Variants in CDH18 observed in about 807,000 individuals in gnomAD.
The protein encoded by CDH18 is cadherin-18.
A neutral mutation model predicts 67.9 loss-of-function variants in CDH18; 31 were observed. The ratio of observed to expected loss-of-function variants is 0.46; its 90% CI spans 0.34 to 0.62. The LOEUF (loss-of-function observed/expected upper bound fraction) is 0.62. CDH18 is among the 20% of genes least tolerant of loss of function. The probability of loss-of-function intolerance (pLI) is 0.01; values close to 1 mark genes in which losing one functional copy is unlikely to be tolerated. For synonymous variants in CDH18, 362 were observed against 347.2 expected, an observed-to-expected ratio of 1.04 and a Z score of -0.48; for missense variants, 890 against 975.5, an observed-to-expected ratio of 0.91 and a Z score of 1.17.
chr5:20,194,057 T>A (rs1738761471), intron 2 of CDH18, among the ~76,000 whole-genome samples: 1 of 152,108 alleles, frequency 6.6e-6, no homozygotes, highest in Admixed American at 6.6e-5. Flanking sequence ...AAGGATGACC[T>A]CTCTCACCAC....
chr5:19,960,391 T>G (rs901289934), intron 2 of CDH18, among the ~76,000 whole-genome samples: 14 of 151,562 alleles, frequency 9.2e-5, no homozygotes, highest in African/African-American at 3.2e-4. Flanking sequence ...CTATGCTAGC[T>G]CATGATCATC....
chr5:19,594,962 A>G (rs139832950), intron 6 of CDH18, among the ~76,000 whole-genome samples: 167 of 152,294 alleles, frequency 1.1e-3, no homozygotes, highest in East Asian at 7.9e-3. Context: ...TAAAAAAAAT[A>G]AAAGGGAACT....
At position 19,697,857 on chromosome 5, in the gene CDH18, C is replaced by T. The variant is rs902115857; in HGVS notation, c.643+23490G>A. Among the ~76,000 whole-genome samples the T allele has an allele frequency of 5.3e-5, 8 of 152,176 alleles. No individual in the cohort carries two copies. The East Asian group carries it at 9.7e-4, about 18-fold the overall frequency. The stretch of plus-strand genomic sequence containing the variant: ...TTGATTCCTCTAAGTGTTCATAGTG[C>T]CTGCCCAGGGATCCACCTCTATCCT... On this transcript the variant is annotated intron_variant, in intron 5 of 12. Coordinates refer to ENST00000382275, the MANE Select transcript of CDH18 (RefSeq NM_004934.5).
intron 2 of CDH18, among the ~76,000 whole-genome samples, chr5:19,907,476 G>A (rs535619593): frequency 2.0e-4 from 31 of 152,026 alleles, no homozygotes; most frequent in African/African-American, 6.0e-4. Context: ...ATAATTTTGA[G>A]CATGAAACAA....
chr5:19,783,143 T>C (rs115957925), intron 3 of CDH18, among the ~76,000 whole-genome samples: 346 of 152,312 alleles, frequency 2.3e-3, no homozygotes, highest in Middle Eastern at 3.4e-3. Context: ...TAAAGCCTTT[T>C]TGCTGGTCCA....
chr5:19,967,042 A>T (rs186801841), intron 2 of CDH18, among the ~76,000 whole-genome samples: 1 of 152,106 alleles, frequency 6.6e-6, no homozygotes, highest in Non-Finnish European at 1.5e-5. Flanking sequence ...AAAAAAGAAA[A>T]TAATAATGTC....
intron 1 of CDH18, among the ~76,000 whole-genome samples, chr5:20,288,697 T>G (rs1290173427): frequency 6.6e-6 from 1 of 151,826 alleles, no homozygotes; most frequent in African/African-American, 2.4e-5. Flanking sequence ...TTTCTTGTGA[T>G]AGTCAATTCG....
intron 2 of CDH18, among the ~76,000 whole-genome samples, chr5:20,173,160 GC>G (rs1736973730): frequency 6.6e-6 from 1 of 152,172 alleles, no homozygotes; most frequent in Admixed American, 6.6e-5. Flanking sequence ...AACCCCCATG[GC>G]TGCTGCCCTC....
intron 1 of CDH18, among the ~76,000 whole-genome samples, chr5:20,526,151 T>G (rs1756043003): frequency 6.6e-6 from 1 of 152,130 alleles, no homozygotes; most frequent in Non-Finnish European, 1.5e-5. Flanking sequence ...TGGCAGATCG[T>G]GGCCAGACTC....
intron 1 of CDH18, among the ~76,000 whole-genome samples, chr5:20,352,996 C>G (rs1447703798): frequency 1.3e-5 from 2 of 152,070 alleles, no homozygotes; most frequent in East Asian, 1.9e-4. Flanking sequence ...CTTATGGAAG[C>G]CTTTATGGCT....
At chr5:20,252,179 C>A (rs1314435389) in intron 2 of CDH18, among the ~76,000 whole-genome samples, 6 of 151,848 alleles carry the variant, frequency 4.0e-5, no homozygotes, top group African/African-American at 1.5e-4. Context: ...TGTAAAACCC[C>A]CTTTCTACTA....
chr5:20,445,665 G>A (rs981228528), intron 1 of CDH18, among the ~76,000 whole-genome samples: 26 of 152,152 alleles, frequency 1.7e-4, no homozygotes, highest in African/African-American at 6.3e-4. Context: ...CAAGAGTGGA[G>A]GATTCTCAAT....
intron 2 of CDH18, among the ~76,000 whole-genome samples, chr5:19,934,178 CAGAAAG>C (rs1794000679): frequency 6.7e-6 from 1 of 149,328 alleles, no homozygotes; most frequent in South Asian, 2.1e-4. Flanking sequence ...AAACAAAAGA[CAGAAAG>C]AGAAAGAGAG....
At chr5:19,757,548 C>A (rs1304753) in intron 3 of CDH18, among the ~76,000 whole-genome samples, 145,220 of 152,256 alleles carry the variant, frequency 0.95, 69,524 homozygotes, top group East Asian at 1. Context: ...CTGGGGAAAG[C>A]GGCTGAGTGG....
intron 3 of CDH18, among the ~76,000 whole-genome samples, chr5:19,787,809 T>TTATA (rs35850823): frequency 0.039 from 5,659 of 144,300 alleles, 194 homozygotes; most frequent in African/African-American, 0.092. Context: ...TAATTTACAG[T>TTATA]TATATATATA....
At chr5:20,494,099 A>G (rs1373304937) in intron 1 of CDH18, among the ~76,000 whole-genome samples, 1 of 152,164 alleles carries the variant, frequency 6.6e-6, no homozygotes, top group Non-Finnish European at 1.5e-5. Context: ...AAAACAAACA[A>G]GCAAACAAAT....
chr5:19,716,236 A>C (rs1765322801), intron 5 of CDH18, among the ~76,000 whole-genome samples: 2 of 152,142 alleles, frequency 1.3e-5, no homozygotes, highest in Non-Finnish European at 2.9e-5. Flanking sequence ...TTCTAAGTTT[A>C]TACACATGGA....
chr5:19,925,101 T>C (rs187495830), intron 2 of CDH18, among the ~76,000 whole-genome samples: 42 of 152,218 alleles, frequency 2.8e-4, no homozygotes, highest in African/African-American at 9.6e-4. Flanking sequence ...GCAATAAAGC[T>C]AGCTAAGAAA....
intron 2 of CDH18, among the ~76,000 whole-genome samples, chr5:20,130,233 T>C (rs971556914): frequency 5.3e-5 from 8 of 151,760 alleles, no homozygotes; most frequent in Admixed American, 4.6e-4. Context: ...GGTGCATGTA[T>C]ATACAGAGAG....
Sources: allele counts gnomAD v4.1 joint callset (sites outside exome capture counted in the v4.1 genomes callset), GRCh38; gene constraint gnomAD v4.1.1; transcripts MANE v1.5; gene names NCBI Gene and HGNC (gene_info 2026-07-23, HGNC 2026-07-21).